Variants in LRRC43 observed in about 807,000 individuals in gnomAD.
LRRC43 encodes leucine rich repeat containing 43, also known as leucine-rich repeat-containing protein 43.
A neutral mutation model predicts 64.3 loss-of-function variants in LRRC43; 62 were observed. That is an observed-to-expected ratio of 0.96 (90% CI 0.79 to 1.19). The LOEUF is 1.19. Ranked by LOEUF, LRRC43 falls within the 50% of genes most tolerant of loss-of-function variation. LRRC43 has a pLI of 0.00. For missense variants in LRRC43, 868 were observed against 845.0 expected (o/e 1.03, Z -0.34); for synonymous variants, 422 against 382.3 (o/e 1.10, Z -1.21).
At chr12:122,193,407 A>AAAT in intron 7 of LRRC43, among the ~76,000 whole-genome samples, 1 of 150,236 alleles carries the variant, frequency 6.7e-6, no homozygotes, top group African/African-American at 2.5e-5. Flanking sequence ...AAAAAAAAAA[A>AAAT]AAGGCCCACT....
intron 6 of LRRC43, 93 bp downstream of exon 6, chr12:122,191,660 T>G: frequency 4.1e-6 from 4 of 977,756 alleles, no homozygotes; most frequent in Non-Finnish European, 4.4e-6. Context: ...ATTAATTAAT[T>G]AATTTATTTA....
Position 122,195,124 on chromosome 12 carries a change from A to G in LRRC43, c.1349+2120A>G, listed in dbSNP as rs1278371711. The stretch of plus-strand genomic sequence containing the variant: ...TTCGTGTAAGGCAAATCTACTGGCA[A>G]CAAAGTCAGTTTTTTCTTTCTCTTC... On this transcript the variant is annotated intron_variant, in intron 7 of 11. Transcript: ENST00000339777. Among the ~76,000 whole-genome samples the G allele has an allele frequency of 3.3e-5, 5 of 152,168 alleles. No homozygotes were observed. The East Asian group carries it at 9.6e-4, about 29-fold the overall frequency.
intron 1 of LRRC43, among the ~76,000 whole-genome samples, chr12:122,173,544 C>T (rs547209430): frequency 4.6e-5 from 7 of 152,232 alleles, no homozygotes; most frequent in South Asian, 2.1e-4. Flanking sequence ...ATTAGCTGGG[C>T]GTGGTGGCGC....
Position 122,200,320 on chromosome 12 carries a change from TGGA to T in LRRC43, c.1486_1488del (p.Glu496del), listed in dbSNP as rs1453983551. 1 of 1,609,226 alleles carries T rather than the reference TGGA, an allele frequency of 6.2e-7. No individual in the cohort carries two copies. The highest frequency in any genetic ancestry group is 1.7e-5 in the Admixed American group (1 of 59,800). ...CTGGCGGGGACCACCGTGACCATCG[TGGA>T]GGAGAAGGTGGGCAGGCGGAGGCAG... On this transcript the variant is annotated inframe_deletion, in exon 8 of 12. Coordinates refer to ENST00000339777, the MANE Select transcript of LRRC43 (RefSeq NM_001098519.2). This position sits in a 1 kb window ranked among gnomAD's most constrained non-coding sequence, Gnocchi z 4.6.
At chr12:122,178,725 G>A (rs908166356), upstream of LRRC43, among the ~76,000 whole-genome samples, 3 of 151,644 alleles carry the variant, frequency 2.0e-5, no homozygotes, top group East Asian at 1.9e-4. Flanking sequence ...TTGAGTAGCC[G>A]GGATTACAGG....
At chr12:122,191,663 T>C in intron 6 of LRRC43, 96 bp downstream of exon 6, 1 of 987,670 alleles carries the variant, frequency 1.0e-6, no homozygotes, top group Non-Finnish European at 1.4e-6. Context: ...AATTAATTAA[T>C]TTATTTATTG....
intron 1 of LRRC43, among the ~76,000 whole-genome samples, chr12:122,168,713 C>T (rs542764203): frequency 8.5e-5 from 13 of 152,260 alleles, no homozygotes; most frequent in South Asian, 6.2e-4. Context: ...AAAAACTAAG[C>T]GATTAACACT....
In LRRC43 at chr12:122,200,982, C is replaced by A; in HGVS notation, c.1809+48C>A. The A allele has an allele frequency of 6.5e-7, 1 of 1,535,532 alleles. No individual in the cohort carries two copies. Among genetic ancestry groups the A allele is most frequent in the South Asian group, 1.3e-5 (1 of 77,698 alleles). On this transcript the variant is annotated intron_variant, in intron 10 of 11. Coordinates refer to ENST00000339777, the MANE Select transcript of LRRC43 (RefSeq NM_001098519.2). This position sits in a 1 kb window ranked among gnomAD's most constrained non-coding sequence, Gnocchi z 4.6. ...TCCTCCACCTCTGCCTTCGCCCTCC[C>A]CATGGGAACCCCGCGGGCAAGCAAG...
intron 11 of LRRC43, among the ~76,000 whole-genome samples, chr12:122,203,049 C>A (rs1326982906): frequency 6.6e-6 from 1 of 152,196 alleles, no homozygotes; most frequent in Non-Finnish European, 1.5e-5. Flanking sequence ...CGGGATCATG[C>A]CACCGCACTC....
intron 5 of LRRC43, 134 bp from the exon 6 acceptor site, chr12:122,191,246 C>T (rs182290030): frequency 2.8e-4 from 195 of 704,750 alleles, no homozygotes; most frequent in Middle Eastern, 4.1e-4. Flanking sequence ...GTGACATGAA[C>T]CTGACCGCCC....
Position 122,168,897 on chromosome 12 carries a change from C to T in LRRC43, c.-406+1115C>T, listed in dbSNP as rs181094814. Among the ~76,000 whole-genome samples, 4 of 152,254 alleles carry T rather than the reference C, an allele frequency of 2.6e-5. No homozygotes were observed. In the East Asian group the frequency reaches 7.7e-4, roughly 29 times the overall value. ...TAGCCTTTCCTTGTTTTTCATGACC[C>T]TGACACTTTTGAAGAGTGCCAGTCA... is the stretch of plus-strand genomic sequence containing the variant. On this transcript the variant is annotated intron_variant, in intron 1 of 5. Coordinates refer to the LRRC43 transcript ENST00000537729.
At chr12:122,172,159 A>G (rs550259509) in intron 1 of LRRC43, 1 of 402,426 alleles carries the variant, frequency 2.5e-6, no homozygotes, top group Non-Finnish European at 4.5e-6. Flanking sequence ...CGAGGGTATA[A>G]TAAGTAAGAC....
upstream of LRRC43, chr12:122,183,077 G>A: frequency 8.0e-6 from 12 of 1,497,686 alleles, no homozygotes; most frequent in Admixed American, 2.2e-5. Context: ...GGGCAGGTGA[G>A]AGCGCCTGGA....
chr12:122,174,024 A>T, intron 1 of LRRC43: 10 of 1,613,456 alleles, frequency 6.2e-6, no homozygotes, highest in Admixed American at 1.7e-5. Context: ...GAGCGCATAC[A>T]TCACACACCC....
At position 122,184,489 on chromosome 12, in the gene LRRC43, C is replaced by T; in HGVS notation, c.151-30C>T. ...TGTCCTTAAGGGGGCTGTGTCACAC[C>T]TACAGAAAATCCCTCCTCTGCCACT... On this transcript the variant is annotated intron_variant, in intron 1 of 11. Transcript: ENST00000339777. The surrounding 1 kb of genome is among the most constrained non-coding windows in gnomAD (Gnocchi z 4.0). 6.2e-7 allele frequency: 1 copy of T among 1,608,102 alleles called. No individual in the cohort carries two copies. The highest frequency in any genetic ancestry group is 1.3e-5 in the African/African-American group (1 of 74,928).
chr12:122,188,255 C>T (rs1431835302), intron 4 of LRRC43, among the ~76,000 whole-genome samples: 4 of 152,054 alleles, frequency 2.6e-5, no homozygotes, highest in East Asian at 1.9e-4. Flanking sequence ...TACAGGCACC[C>T]GCCACCATGC....
At chr12:122,180,334 C>A (rs922006060), upstream of LRRC43, among the ~76,000 whole-genome samples, 1 of 152,018 alleles carries the variant, frequency 6.6e-6, no homozygotes, top group African/African-American at 2.4e-5. Context: ...GCCTGACCAG[C>A]ATGGAGAAAC....
chr12:122,173,455 AG>A (rs1953507289), intron 1 of LRRC43, among the ~76,000 whole-genome samples: 1 of 152,178 alleles, frequency 6.6e-6, no homozygotes, highest in Non-Finnish European at 1.5e-5. Context: ...AGGCCAAGGC[AG>A]GCGGATCACT....
At chr12:122,173,712 G>A (rs996717523) in intron 1 of LRRC43, 1 of 739,508 alleles carries the variant, frequency 1.4e-6, no homozygotes, top group Non-Finnish European at 2.3e-6. Flanking sequence ...ATCTTTGCCT[G>A]TCTAGTTTCC....
Sources: gnomAD v4.1 joint callset for allele counts (sites outside exome capture counted in the v4.1 genomes callset) on GRCh38, gnomAD v4.1.1 for gene constraint, Gnocchi (gnomAD v3.1) non-coding constraint, MANE v1.5 for transcripts, NCBI Gene and HGNC (gene_info 2026-07-23, HGNC 2026-07-21) for gene names.